The following RBM19 variants were observed in gnomAD, a reference collection of about 807,000 sequenced individuals.
RBM19 encodes probable RNA-binding protein 19.
In RBM19, 94 loss-of-function variants were observed where a neutral mutation model predicts 116.8. That is an observed-to-expected ratio of 0.80 (90% CI 0.68 to 0.95). The LOEUF (loss-of-function observed/expected upper bound fraction) is 0.95. Among genes scored for constraint, RBM19 ranks in the 40% least tolerant of loss-of-function variants. The pLI, the probability that RBM19 is intolerant of heterozygous loss-of-function variation, is 0.00. For missense variants in RBM19, 1,161 were observed against 1,220.7 expected (o/e 0.95, Z 0.73); for synonymous variants, 475 against 494.1 (o/e 0.96, Z 0.51).
At chr12:113,893,988 G>A (rs1161895386) in intron 21 of RBM19, among the ~76,000 whole-genome samples, 1 of 152,182 alleles carries the variant, frequency 6.6e-6, no homozygotes, top group Admixed American at 6.5e-5. Context: ...CGAGCAAGGT[G>A]GGACAAGCTT....
intron 21 of RBM19, among the ~76,000 whole-genome samples, chr12:113,878,881 T>C (rs1479191081): frequency 6.8e-6 from 1 of 146,662 alleles, no homozygotes; most frequent in African/African-American, 2.6e-5. Context: ...GGGGAGGAGA[T>C]GTACGTATGT....
chr12:113,836,009 G>GAA (rs1314981360), intron 23 of RBM19, among the ~76,000 whole-genome samples: 1 of 152,192 alleles, frequency 6.6e-6, no homozygotes, highest in East Asian at 1.9e-4. Context: ...GGCCTGCCGC[G>GAA]GCCCTGAAAG....
intron 21 of RBM19, among the ~76,000 whole-genome samples, chr12:113,867,674 ACT>A (rs1445517642): frequency 2.0e-5 from 3 of 152,176 alleles, no homozygotes; most frequent in East Asian, 3.8e-4. Context: ...TAATCCTAGC[ACT>A]CTGGGAGCCC....
At chr12:113,919,012 C>T (rs1176159135) in intron 19 of RBM19, among the ~76,000 whole-genome samples, 1 of 152,138 alleles carries the variant, frequency 6.6e-6, no homozygotes, top group Non-Finnish European at 1.5e-5. Context: ...GAACATAATA[C>T]AGTACACGTG....
chr12:113,886,018 C>T (rs192544202), intron 21 of RBM19, among the ~76,000 whole-genome samples: 183 of 151,740 alleles, frequency 1.2e-3, no homozygotes, highest in Middle Eastern at 6.8e-3. Context: ...ACAGGCTCCC[C>T]GCCACCATGC....
At chr12:113,908,871 CATT>C (rs1028600386) in intron 21 of RBM19, among the ~76,000 whole-genome samples, 1 of 152,226 alleles carries the variant, frequency 6.6e-6, no homozygotes, top group African/African-American at 2.4e-5. Flanking sequence ...ACTCCACAAA[CATT>C]ATCACAGCAC....
chr12:113,866,059 A>T (rs1214811771), intron 21 of RBM19, among the ~76,000 whole-genome samples: 1 of 152,202 alleles, frequency 6.6e-6, no homozygotes, highest in Non-Finnish European at 1.5e-5. Flanking sequence ...TACAAAGTGC[A>T]GGGTCAAGCC....
At chr12:113,899,875 C>T (rs979860559) in intron 21 of RBM19, among the ~76,000 whole-genome samples, 5 of 152,092 alleles carry the variant, frequency 3.3e-5, no homozygotes, top group Non-Finnish European at 5.9e-5. Context: ...CAACGGCGGC[C>T]CTCCGAGCAA....
In RBM19 at chr12:113,889,676, A is replaced by ACG. The variant is rs368851357; in HGVS notation, c.2558+25292_2558+25293insCG. 1.3e-3 allele frequency among the ~76,000 whole-genome samples: 192 copies of ACG among 147,976 alleles called. 1 individual carries two copies. Among genetic ancestry groups the ACG allele is most frequent in the Non-Finnish European group, 2.2e-3 (149 of 66,314 alleles). On this transcript the variant is annotated intron_variant, in intron 21 of 23. Coordinates refer to ENST00000261741, the MANE Select transcript of RBM19 (RefSeq NM_016196.4). ...AAAAACAAAAACAAACAAACAACAA[A>ACG]AAAAAAAACAAAAAGACCCCAAAAC... is the stretch of plus-strand genomic sequence containing the variant.
chr12:113,827,530 G>A (rs1359368759), intron 23 of RBM19, among the ~76,000 whole-genome samples: 1 of 148,660 alleles, frequency 6.7e-6, no homozygotes, highest in Non-Finnish European at 1.5e-5. Flanking sequence ...GGGGGCGGGG[G>A]GGTGCGTCGG....
chr12:113,843,961 G>A (rs934880203), intron 23 of RBM19, among the ~76,000 whole-genome samples: 11 of 152,192 alleles, frequency 7.2e-5, no homozygotes, highest in African/African-American at 2.7e-4. Context: ...CCCTTTGTTG[G>A]GTACAGATGT....
At chr12:113,956,682 G>A (rs1871976289) in intron 6 of RBM19, among the ~76,000 whole-genome samples, 1 of 151,608 alleles carries the variant, frequency 6.6e-6, no homozygotes, top group Non-Finnish European at 1.5e-5. Context: ...AAACTGCTCT[G>A]TCTCTGATGC....
intron 2 of RBM19, among the ~76,000 whole-genome samples, chr12:113,961,240 G>C (rs1019541826): frequency 6.6e-6 from 1 of 152,096 alleles, no homozygotes; most frequent in East Asian, 1.9e-4. Context: ...TGCACAGGCT[G>C]GTCTTGAACT....
At position 113,957,762 on chromosome 12, in the gene RBM19, C is replaced by T. The variant is rs1358377682; in HGVS notation, c.840+20G>A. The T allele has an allele frequency of 1.3e-6, 2 of 1,552,210 alleles. No individual in the cohort carries two copies. The highest frequency in any genetic ancestry group is 1.2e-5 in the South Asian group (1 of 80,204). On this transcript the variant is annotated intron_variant, in intron 6 of 23. Coordinates refer to ENST00000261741, the MANE Select transcript of RBM19 (RefSeq NM_016196.4). ...GGAGAGCGCACCTCCTCCCTCATCA[C>T]CTGCGGGATACACACGCACCTCGGC...
At chr12:113,919,428 G>A (rs535859100) in intron 19 of RBM19, among the ~76,000 whole-genome samples, 49 of 152,284 alleles carry the variant, frequency 3.2e-4, no homozygotes, top group African/African-American at 1.0e-3. Context: ...AAAATTAGCC[G>A]GGCTTGGTGG....
intron 21 of RBM19, among the ~76,000 whole-genome samples, chr12:113,908,311 G>A (rs1426845258): frequency 6.6e-6 from 1 of 152,118 alleles, no homozygotes; most frequent in Non-Finnish European, 1.5e-5. Context: ...CCATGCCTGT[G>A]TGGGGGAGAC....
intron 23 of RBM19, among the ~76,000 whole-genome samples, chr12:113,834,239 G>A (rs1393221578): frequency 6.6e-6 from 1 of 152,178 alleles, no homozygotes; most frequent in Non-Finnish European, 1.5e-5. Context: ...TTGCTAATAA[G>A]GTCATCAGTG....
intron 19 of RBM19, among the ~76,000 whole-genome samples, chr12:113,918,947 G>A (rs1333856938): frequency 6.6e-6 from 1 of 152,008 alleles, no homozygotes; most frequent in African/African-American, 2.4e-5. Flanking sequence ...ACAGAGCTTC[G>A]TAGGAACAAT....
At chr12:113,951,901 A>G (rs1871500793) in intron 8 of RBM19, among the ~76,000 whole-genome samples, 1 of 152,212 alleles carries the variant, frequency 6.6e-6, no homozygotes, top group Non-Finnish European at 1.5e-5. Flanking sequence ...GCCTCCCCGC[A>G]GCTACAGGGC....
Sources: gnomAD v4.1 joint callset for allele counts (sites outside exome capture counted in the v4.1 genomes callset) on GRCh38, gnomAD v4.1.1 for gene constraint, MANE v1.5 for transcripts, NCBI Gene and HGNC (gene_info 2026-07-23, HGNC 2026-07-21) for gene names.